The following MYO3B variants were observed in gnomAD, a reference collection of about 807,000 sequenced individuals.
MYO3B encodes myosin IIIB.
Under a neutral mutation model 174.6 loss-of-function variants are expected in MYO3B, and 156 were observed. The ratio of observed to expected loss-of-function variants is 0.89; its 90% CI spans 0.78 to 1.02. MYO3B has a LOEUF of 1.02. Among genes scored for constraint, MYO3B ranks in the 50% least tolerant of loss-of-function variants. The pLI is 0.00. For missense variants in MYO3B, 1,632 were observed against 1,639.4 expected, an observed-to-expected ratio of 1.00 and a Z score of 0.08; for synonymous variants, 563 against 569.1, an observed-to-expected ratio of 0.99 and a Z score of 0.15.
At position 170,590,429 on chromosome 2, in the gene MYO3B, C is replaced by T. The variant is rs1018019754; in HGVS notation, c.3733+46441C>T. ...CAGCCAGCAAAATTTCTTATTATAT[C>T]CCCACCCCACCCTCACACCCCTACA... On this transcript the variant is annotated intron_variant, in intron 32 of 34. Transcript: ENST00000408978. Among the ~76,000 whole-genome samples, 5 of 152,098 alleles carry T rather than the reference C, an allele frequency of 3.3e-5. No homozygotes were observed. In the East Asian group the frequency reaches 9.7e-4, roughly 29 times the overall value.
intron 32 of MYO3B, among the ~76,000 whole-genome samples, chr2:170,573,221 C>CTGTGTG (rs528708673): frequency 4.5e-5 from 4 of 89,830 alleles, no homozygotes; most frequent in Non-Finnish European, 9.0e-5. Flanking sequence ...TATATGTATA[C>CTGTGTG]TGTGTGTATA....
intron 22 of MYO3B, among the ~76,000 whole-genome samples, chr2:170,439,703 CAG>C (rs1261489416): frequency 1.3e-5 from 2 of 152,062 alleles, no homozygotes; most frequent in African/African-American, 2.4e-5. Context: ...TTTTTTGAGA[CAG>C]AGTCTCGCTC....
At chr2:170,516,775 T>C (rs1688340168) in intron 29 of MYO3B, among the ~76,000 whole-genome samples, 2 of 152,234 alleles carry the variant, frequency 1.3e-5, no homozygotes, top group Admixed American at 1.3e-4. Flanking sequence ...CCCTCCCTGA[T>C]GAAAGGTGAC....
chr2:170,435,456 T>G (rs923323309), intron 22 of MYO3B, among the ~76,000 whole-genome samples: 1 of 152,158 alleles, frequency 6.6e-6, no homozygotes, highest in African/African-American at 2.4e-5. Context: ...TGCCTGGGCT[T>G]GGAGACTCCT....
intron 7 of MYO3B, among the ~76,000 whole-genome samples, chr2:170,269,903 G>C (rs1030920813): frequency 6.6e-6 from 1 of 152,190 alleles, no homozygotes; most frequent in Non-Finnish European, 1.5e-5. Context: ...AGTAGGTTCG[G>C]TGAGGAGCAG....
chr2:170,185,012 A>G (rs574852295), intron 1 of MYO3B, among the ~76,000 whole-genome samples: 1 of 151,856 alleles, frequency 6.6e-6, no homozygotes, highest in South Asian at 2.1e-4. Context: ...TGTTCATTTT[A>G]AAATCAGATT....
chr2:170,451,972 G>T (rs957009135), intron 23 of MYO3B, among the ~76,000 whole-genome samples: 4 of 152,164 alleles, frequency 2.6e-5, no homozygotes, highest in African/African-American at 9.7e-5. Context: ...GCAACCCAAA[G>T]CCAATCGGCC....
intron 23 of MYO3B, among the ~76,000 whole-genome samples, chr2:170,449,736 C>T (rs183077030): frequency 1.3e-5 from 2 of 151,436 alleles, no homozygotes; most frequent in East Asian, 3.9e-4. Context: ...GAGATCGCGC[C>T]GTTGCACTCC....
intron 32 of MYO3B, among the ~76,000 whole-genome samples, chr2:170,558,227 G>T (rs1691465291): frequency 6.6e-6 from 1 of 151,948 alleles, no homozygotes; most frequent in Non-Finnish European, 1.5e-5. Flanking sequence ...TGTGAACCCG[G>T]GAGGCGGAGC....
chr2:170,351,782 G>A lies in MYO3B; in HGVS notation c.815+16332G>A, dbSNP rs563217714. Among the ~76,000 whole-genome samples, 315 of 152,254 alleles carry A rather than the reference G, an allele frequency of 2.1e-3. 1 individual carries two copies. Among genetic ancestry groups the A allele is most frequent in the Middle Eastern group, 3.4e-3 (1 of 294 alleles). On this transcript the variant is annotated intron_variant, in intron 8 of 34. Transcript: ENST00000408978. ...AATGAAGCATAAATTCGTTTGAAAT[G>A]AAACTAAATTCATGGAATAGTCTGA...
At chr2:170,321,214 A>G (rs2093823357) in intron 7 of MYO3B, among the ~76,000 whole-genome samples, 1 of 152,248 alleles carries the variant, frequency 6.6e-6, no homozygotes, top group South Asian at 2.1e-4. Flanking sequence ...TGATCCAGAA[A>G]GAATGAAAGC....
rs1575038512 is a variant in MYO3B, at chr2:170,474,368, G to A, written c.3014+7657G>A. 3.3e-5 allele frequency among the ~76,000 whole-genome samples: 5 copies of A among 152,154 alleles called. No individual in the cohort carries two copies. The South Asian group carries it at 1.0e-3, about 32-fold the overall frequency. ...GCAGGGTCTTGGGTCAACTGCCAGG[G>A]ATGGAGTCAACCCCACTTGAACCAT... On this transcript the variant is annotated intron_variant, in intron 25 of 34. Coordinates refer to ENST00000408978, the MANE Select transcript of MYO3B (RefSeq NM_138995.5).
chr2:170,467,883 T>C (rs939656122), intron 25 of MYO3B, among the ~76,000 whole-genome samples: 1 of 151,988 alleles, frequency 6.6e-6, no homozygotes, highest in African/African-American at 2.4e-5. Context: ...AATGGCTTTT[T>C]TTTTTTAAGT....
At chr2:170,385,990 A>T in intron 12 of MYO3B, 199 bp from the exon 13 acceptor site, 2 of 470,484 alleles carry the variant, frequency 4.3e-6, no homozygotes, top group South Asian at 6.8e-5. Flanking sequence ...GATTAAACAG[A>T]TTATGGTACA....
intron 6 of MYO3B, among the ~76,000 whole-genome samples, chr2:170,219,099 T>C (rs1435100996): frequency 6.6e-6 from 1 of 152,236 alleles, no homozygotes; most frequent in African/African-American, 2.4e-5. Context: ...CCCCCAGGCC[T>C]CTGGAAAATT....
chr2:170,264,147 G>C (rs1559344660), intron 7 of MYO3B, among the ~76,000 whole-genome samples: 1 of 152,214 alleles, frequency 6.6e-6, no homozygotes, highest in Non-Finnish European at 1.5e-5. Context: ...GCTGGGGCTA[G>C]GGTTAGAGAA....
intron 32 of MYO3B, among the ~76,000 whole-genome samples, chr2:170,620,900 T>C (rs1165072876): frequency 6.6e-6 from 1 of 152,056 alleles, no homozygotes; most frequent in East Asian, 1.9e-4. Flanking sequence ...TTTTTTTTTC[T>C]TTTTTTTAGT....
chr2:170,602,372 C>T, intron 32 of MYO3B: 1 of 606,136 alleles, frequency 1.6e-6, no homozygotes, highest in Non-Finnish European at 2.9e-6. Flanking sequence ...ACCCTCTCCA[C>T]TCTGTAACAT....
chr2:170,353,752 AT>A (rs1198067429), intron 8 of MYO3B, among the ~76,000 whole-genome samples: 2 of 152,186 alleles, frequency 1.3e-5, no homozygotes, highest in Non-Finnish European at 2.9e-5. Context: ...AATAAAACAA[AT>A]TCTCTGCATG....
Sources: allele counts gnomAD v4.1 joint callset (sites outside exome capture counted in the v4.1 genomes callset), GRCh38; gene constraint gnomAD v4.1.1; transcripts MANE v1.5; gene names NCBI Gene and HGNC (gene_info 2026-07-23, HGNC 2026-07-21).